Variants in DNER observed in about 807,000 individuals in gnomAD.
DNER encodes delta/notch like EGF repeat containing, also known as delta and Notch-like epidermal growth factor-related receptor.
In DNER, 33 loss-of-function variants were observed where a neutral mutation model predicts 78.2. The ratio of observed to expected loss-of-function variants is 0.42; its 90% CI spans 0.32 to 0.56. The LOEUF is 0.56. Among genes scored for constraint, DNER ranks in the 20% least tolerant of loss-of-function variants. The probability of loss-of-function intolerance (pLI) is 0.11; values close to 1 mark genes in which losing one functional copy is unlikely to be tolerated. For synonymous variants in DNER, 417 were observed against 384.8 expected, an observed-to-expected ratio of 1.08 and a Z score of -0.98; for missense variants, 918 against 975.3, an observed-to-expected ratio of 0.94 and a Z score of 0.78.
intron 4 of DNER, among the ~76,000 whole-genome samples, chr2:229,564,330 A>C (rs1574905443): frequency 7.1e-5 from 9 of 126,406 alleles, no homozygotes; most frequent in African/African-American, 1.2e-4. Context: ...CATCTTCCTC[A>C]CCCCATCACC....
intron 9 of DNER, among the ~76,000 whole-genome samples, chr2:229,414,941 T>C (rs1328626885): frequency 6.6e-6 from 1 of 152,122 alleles, no homozygotes; most frequent in Admixed American, 6.5e-5. Context: ...GACAGGTGGA[T>C]CACCTGAGGT....
chr2:229,682,999 GA>G (rs1699412808), intron 1 of DNER, among the ~76,000 whole-genome samples: 1 of 152,080 alleles, frequency 6.6e-6, no homozygotes, highest in Non-Finnish European at 1.5e-5. Flanking sequence ...GGAAAACTAG[GA>G]AAACAAATTT....
intron 5 of DNER, among the ~76,000 whole-genome samples, chr2:229,526,099 A>G (rs1696203115): frequency 6.6e-6 from 1 of 152,218 alleles, no homozygotes; most frequent in Admixed American, 6.5e-5. Context: ...TCTGGAAGAA[A>G]CTTAACATAT....
chr2:229,631,539 A>T lies in DNER; in HGVS notation c.277-39651T>A, dbSNP rs192551868. Among the ~76,000 whole-genome samples, 56 of 152,304 alleles carry T rather than the reference A, an allele frequency of 3.7e-4. No individual in the cohort carries two copies. The East Asian group carries it at 8.5e-3, about 23-fold the overall frequency. On this transcript the variant is annotated intron_variant, in intron 1 of 12. Coordinates refer to ENST00000341772, the MANE Select transcript of DNER (RefSeq NM_139072.4). ...TAGATCAGAAGAAAGAAAATGGAAG[A>T]CTTCTTACTTTATGTACTCCTGCAT...
At chr2:229,479,872 C>T (rs1006242676) in intron 6 of DNER, among the ~76,000 whole-genome samples, 2 of 152,004 alleles carry the variant, frequency 1.3e-5, no homozygotes, top group Admixed American at 6.6e-5. Context: ...AAGTATAGTA[C>T]ATTTATGAAA....
At chr2:229,633,228 C>T (rs1395182127) in intron 1 of DNER, among the ~76,000 whole-genome samples, 3 of 152,136 alleles carry the variant, frequency 2.0e-5, no homozygotes, top group Non-Finnish European at 4.4e-5. Context: ...ACAATGACCA[C>T]GTGGAGTATG....
chr2:229,521,796 A>C (rs1696103184), intron 5 of DNER, among the ~76,000 whole-genome samples: 1 of 152,212 alleles, frequency 6.6e-6, no homozygotes, highest in Admixed American at 6.5e-5. Flanking sequence ...CTAGCCACAG[A>C]GACAAACTGT....
At chr2:229,688,915 C>T (rs1699526583) in intron 1 of DNER, among the ~76,000 whole-genome samples, 1 of 152,122 alleles carries the variant, frequency 6.6e-6, no homozygotes, top group South Asian at 2.1e-4. Flanking sequence ...GGCATGTTCT[C>T]GCTTATTAGT....
intron 1 of DNER, among the ~76,000 whole-genome samples, chr2:229,603,225 T>C (rs1177759389): frequency 6.6e-6 from 1 of 151,956 alleles, no homozygotes; most frequent in Non-Finnish European, 1.5e-5. Flanking sequence ...AAAAAGATAA[T>C]AGAAGAGAAT....
chr2:229,525,518 G>A (rs1308676054), intron 5 of DNER, among the ~76,000 whole-genome samples: 2 of 151,994 alleles, frequency 1.3e-5, no homozygotes, highest in Non-Finnish European at 1.5e-5. Context: ...TGATATCATG[G>A]AAGTTAACTA....
At chr2:229,393,442 A>T (rs962770490) in intron 10 of DNER, among the ~76,000 whole-genome samples, 19 of 151,760 alleles carry the variant, frequency 1.3e-4, no homozygotes, top group African/African-American at 4.6e-4. Flanking sequence ...AATAAAAATA[A>T]AAATAAAAAA....
At chr2:229,570,987 T>C (rs1697209250) in intron 4 of DNER, among the ~76,000 whole-genome samples, 1 of 152,130 alleles carries the variant, frequency 6.6e-6, no homozygotes, top group Non-Finnish European at 1.5e-5. Context: ...TGCAGGATTG[T>C]GAGCAGAGAT....
chr2:229,509,253 C>A (rs983258980), intron 6 of DNER, among the ~76,000 whole-genome samples: 1 of 152,140 alleles, frequency 6.6e-6, no homozygotes, highest in African/African-American at 2.4e-5. Context: ...CCAAATATAT[C>A]GAAAACCTCC....
intron 1 of DNER, among the ~76,000 whole-genome samples, chr2:229,619,656 A>C (rs2154215443): frequency 6.6e-6 from 1 of 152,364 alleles, no homozygotes; most frequent in Non-Finnish European, 1.5e-5. Context: ...CGTATAGTGT[A>C]CTGAGGGACC....
chr2:229,414,901 G>C (rs999951835), intron 9 of DNER, among the ~76,000 whole-genome samples: 22 of 152,196 alleles, frequency 1.4e-4, no homozygotes, highest in Non-Finnish European at 4.4e-5. Context: ...AGTGGCTCAT[G>C]TCTGCAATCC....
chr2:229,360,603 G>A (rs1035618047), intron 12 of DNER, among the ~76,000 whole-genome samples: 5 of 151,960 alleles, frequency 3.3e-5, no homozygotes, highest in Non-Finnish European at 4.4e-5. Flanking sequence ...TAGTAGAGAC[G>A]GGGTTTCACT....
chr2:229,627,532 A>G (rs1698365627), intron 1 of DNER, among the ~76,000 whole-genome samples: 1 of 152,240 alleles, frequency 6.6e-6, no homozygotes, highest in African/African-American at 2.4e-5. Flanking sequence ...CTAAACAGGT[A>G]TTTACCACCT....
At chr2:229,425,832 CAG>C (rs546307289) in intron 8 of DNER, among the ~76,000 whole-genome samples, 49 of 152,336 alleles carry the variant, frequency 3.2e-4, no homozygotes, top group African/African-American at 1.1e-3. Flanking sequence ...CTCAGGCAAA[CAG>C]GACCTTCGAA....
At chr2:229,422,037 C>T (rs1235725738) in intron 8 of DNER, among the ~76,000 whole-genome samples, 2 of 152,000 alleles carry the variant, frequency 1.3e-5, no homozygotes, top group Non-Finnish European at 2.9e-5. Flanking sequence ...GATAATTAAG[C>T]TGGTGATGTT....
Sources: allele counts gnomAD v4.1 joint callset (sites outside exome capture counted in the v4.1 genomes callset), GRCh38; gene constraint gnomAD v4.1.1; transcripts MANE v1.5; gene names NCBI Gene and HGNC (gene_info 2026-07-23, HGNC 2026-07-21).